The following DUSP22 variants were observed in gnomAD, a reference collection of about 807,000 sequenced individuals.
DUSP22 encodes the protein dual specificity phosphatase 22, also known as dual specificity protein phosphatase 22.
A neutral mutation model predicts 24.5 loss-of-function variants in DUSP22; 24 were observed. The ratio of observed to expected loss-of-function variants is 0.98; its 90% CI spans 0.71 to 1.38. DUSP22 has a LOEUF of 1.38. DUSP22 is among the 40% of genes most tolerant of loss of function. DUSP22 has a pLI of 0.00. For missense variants in DUSP22, 330 were observed against 269.2 expected (o/e 1.23, Z -1.58); for synonymous variants, 160 against 106.4 (o/e 1.50, Z -3.10).
rs571927298 is a variant in DUSP22, at chr6:329,387, G to C, written c.139-5727G>C. On this transcript the variant is annotated intron_variant, in intron 3 of 6. Coordinates refer to ENST00000419235, the MANE Select transcript of DUSP22 (RefSeq NM_001286555.3). ...AAAAAGTCCTGGAGACGGGTGAGGTGATGGCTGCACAACAGTGTGAATGTA... is the reference window on the plus strand; with the variant it reads ...AAAAAGTCCTGGAGACGGGTGAGGTCATGGCTGCACAACAGTGTGAATGTA... Among the ~76,000 whole-genome samples the C allele has an allele frequency of 1.2e-4, 18 of 152,428 alleles. No homozygotes were observed. The East Asian group carries it at 2.9e-3, about 24-fold the overall frequency.
chr6:315,151 C>T (rs571427549), intron 3 of DUSP22, among the ~76,000 whole-genome samples: 44 of 152,400 alleles, frequency 2.9e-4, no homozygotes, highest in Non-Finnish European at 5.4e-4. Flanking sequence ...ACTACCTCTT[C>T]AGAAGAGTAG....
intron 2 of DUSP22, among the ~76,000 whole-genome samples, chr6:304,924 C>T (rs899749192): frequency 6.6e-6 from 1 of 152,308 alleles, no homozygotes; most frequent in Non-Finnish European, 1.5e-5. Context: ...CTATCGGAGC[C>T]TCCTCTTAGT....
chr6:292,621 G>C (rs893378833), intron 1 of DUSP22, 61 bp downstream of exon 1: 2 of 1,559,824 alleles, frequency 1.3e-6, no homozygotes, highest in Non-Finnish European at 1.7e-6. Context: ...CCGTCTCGCC[G>C]GCGTCGGCTG....
At chr6:340,175 C>G (rs1159696165) in intron 4 of DUSP22, among the ~76,000 whole-genome samples, 1 of 152,306 alleles carries the variant, frequency 6.6e-6, no homozygotes, top group East Asian at 1.9e-4. Flanking sequence ...ATGAAAAGTA[C>G]AATATATGCA....
Position 301,358 on chromosome 6 carries a change from G to A in DUSP22, c.22-3270G>A, listed in dbSNP as rs552950237. Among the ~76,000 whole-genome samples the A allele has an allele frequency of 3.0e-4, 46 of 152,408 alleles. No homozygotes were observed. In the East Asian group the frequency reaches 6.0e-3, roughly 20 times the overall value. ...AGATGGGACCAGTAAGGGGTATTGG[G>A]AGAATGGGGATGACCTGGCTCGGCT... is the stretch of plus-strand genomic sequence containing the variant. On this transcript the variant is annotated intron_variant, in intron 1 of 6. Transcript: ENST00000419235.
chr6:329,205 G>A (rs1441062255), intron 3 of DUSP22, among the ~76,000 whole-genome samples: 2 of 152,306 alleles, frequency 1.3e-5, no homozygotes, highest in African/African-American at 4.8e-5. Context: ...CTTCAAGAGT[G>A]TGGCCAGACG....
In DUSP22 at chr6:350,571, G is replaced by A; in HGVS notation, c.*1620G>A. 7.1e-7 allele frequency: 1 copy of A among 1,398,800 alleles called. No homozygotes were observed. The highest frequency in any genetic ancestry group is 1.6e-5 in the South Asian group (1 of 64,054). 86.6% of individuals were successfully genotyped at this position (1,398,800 alleles called of 1,614,324 possible). On this transcript the variant is annotated 3_prime_UTR_variant, in exon 7 of 7. Coordinates refer to ENST00000419235, the MANE Select transcript of DUSP22 (RefSeq NM_001286555.3). Reference sequence around the variant, plus strand: ...CAAAGTTGCCTGATTCCGCGCAGGTGCACAGGCCCCGGATGTACACCCGGA... The same window carrying A: ...CAAAGTTGCCTGATTCCGCGCAGGTACACAGGCCCCGGATGTACACCCGGA...
intron 5 of DUSP22, 149 bp downstream of exon 5, chr6:346,077 C>A: frequency 9.8e-7 from 1 of 1,016,672 alleles, no homozygotes; most frequent in Non-Finnish European, 1.4e-6. Flanking sequence ...ATTTGTCCAG[C>A]GCTGTGTGTT....
Position 348,847 on chromosome 6 carries a change from T to C in DUSP22, c.514T>C (p.Tyr172His). 1 of 1,614,314 alleles carries C rather than the reference T, an allele frequency of 6.2e-7. No homozygotes were observed. The highest frequency in any genetic ancestry group is 1.1e-5 in the South Asian group (1 of 91,092). The stretch of plus-strand genomic sequence containing the variant: ...AGAAGCCAAAAACATTCTGGGTAAA[T>C]ATAAGGAGCAAGGGCGCACAGAGCC... ...AEEAKNILGK[Y>H]KEQGRTEPQP... Residue 172 changes from tyrosine to histidine, a missense_variant, in exon 7 of 7, where the codon TAT (tyrosine) becomes CAT (histidine). Transcript: ENST00000419235.
At chr6:334,581 G>T (rs1334809960) in intron 3 of DUSP22, among the ~76,000 whole-genome samples, 1 of 152,284 alleles carries the variant, frequency 6.6e-6, no homozygotes, top group African/African-American at 2.4e-5. Flanking sequence ...TGAAAAGCAA[G>T]CAAAATAAAA....
intron 3 of DUSP22, among the ~76,000 whole-genome samples, chr6:334,265 AT>A (rs1320294484): frequency 6.6e-6 from 1 of 152,308 alleles, no homozygotes; most frequent in Admixed American, 6.5e-5. Context: ...GAGAGGAATA[AT>A]TTAAAAATGA....
intron 1 of DUSP22, among the ~76,000 whole-genome samples, chr6:302,454 C>G (rs1235578417): frequency 6.6e-6 from 1 of 152,304 alleles, no homozygotes; most frequent in Non-Finnish European, 1.5e-5. Context: ...TGTCCCCTCC[C>G]TGTCTGCCCA....
chr6:302,726 AAC>A (rs1757641044), intron 1 of DUSP22, among the ~76,000 whole-genome samples: 1 of 152,310 alleles, frequency 6.6e-6, no homozygotes, highest in African/African-American at 2.4e-5. Context: ...TAGTGATTAT[AAC>A]TGTAGAGTCA....
chr6:310,440 A>AT (rs1378684539), intron 2 of DUSP22, among the ~76,000 whole-genome samples: 4 of 152,424 alleles, frequency 2.6e-5, no homozygotes, highest in South Asian at 2.1e-4. Flanking sequence ...AGGTAGGGAC[A>AT]TTGGAAGGGA....
intron 3 of DUSP22, among the ~76,000 whole-genome samples, chr6:329,869 G>A (rs9328127): frequency 0.089 from 13,256 of 148,404 alleles, 38 homozygotes; most frequent in East Asian, 0.3. Context: ...CTGTGACCTT[G>A]CTTCTGATCA....
chr6:306,427 T>G (rs1581150372), intron 2 of DUSP22, among the ~76,000 whole-genome samples: 1 of 152,304 alleles, frequency 6.6e-6, no homozygotes, highest in East Asian at 1.9e-4. Flanking sequence ...TTCTAAATAT[T>G]CAATAACATA....
rs571417173 is a variant in DUSP22 at position 348,611 on chromosome 6, C to T, written c.436-158C>T. On this transcript the variant is annotated intron_variant, in intron 6 of 6. Transcript: ENST00000419235. ...AGGAGCAGTTCCTTCTCTTGCTTGA[C>T]CCTGGCTGGCCAACCACAGAGCTCT... The T allele has an allele frequency of 1.1e-5, 14 of 1,293,426 alleles. No homozygotes were observed. In the South Asian group the frequency reaches 1.8e-4, roughly 17 times the overall value. The allele number at this position is 1,293,426 out of a possible 1,614,324, so 80.1% of individuals were successfully genotyped here.
intron 1 of DUSP22, among the ~76,000 whole-genome samples, chr6:297,216 T>A (rs1412366052): frequency 2.0e-5 from 3 of 152,302 alleles, no homozygotes; most frequent in Non-Finnish European, 4.4e-5. Context: ...CTTAGGTGGT[T>A]AGCTAATCCA....
intron 4 of DUSP22, among the ~76,000 whole-genome samples, chr6:340,505 T>C (rs1289352222): frequency 6.6e-6 from 1 of 152,312 alleles, no homozygotes; most frequent in African/African-American, 2.4e-5. Flanking sequence ...TCTACTCATT[T>C]GCTATTAGAA....
Sources: allele counts gnomAD v4.1 joint callset (sites outside exome capture counted in the v4.1 genomes callset), GRCh38; gene constraint gnomAD v4.1.1; transcripts MANE v1.5; gene names NCBI Gene and HGNC (gene_info 2026-07-23, HGNC 2026-07-21).